Variants in NEGR1 observed in about 807,000 individuals in gnomAD.
NEGR1 encodes neuronal growth regulator 1, also known as IgLON family member 4.
A neutral mutation model predicts 40.9 loss-of-function variants in NEGR1; 10 were observed. The ratio of observed to expected loss-of-function variants is 0.24; its 90% CI spans 0.15 to 0.42. The LOEUF (loss-of-function observed/expected upper bound fraction) is 0.42, where lower values mean the gene tolerates loss of function less well. Ranked by LOEUF, NEGR1 falls within the 10% of genes least tolerant of loss-of-function variation. The pLI is 1.00. For missense variants in NEGR1, 352 were observed against 438.9 expected (o/e 0.80, Z 1.77); for synonymous variants, 185 against 166.8 (o/e 1.11, Z -0.84).
intron 2 of NEGR1, among the ~76,000 whole-genome samples, chr1:71,812,473 A>C (rs966063993): frequency 5.9e-5 from 9 of 152,158 alleles, no homozygotes; most frequent in Non-Finnish European, 1.2e-4. Flanking sequence ...AAATTGCCAC[A>C]CTGTCTTCCA....
intron 6 of NEGR1, among the ~76,000 whole-genome samples, chr1:71,580,100 A>G (rs1206690727): frequency 6.6e-6 from 1 of 152,124 alleles, no homozygotes; most frequent in Non-Finnish European, 1.5e-5. Context: ...AATGTGGCAC[A>G]TATACACCAT....
chr1:71,480,183 C>T (rs1449113601), intron 6 of NEGR1, among the ~76,000 whole-genome samples: 1 of 151,868 alleles, frequency 6.6e-6, no homozygotes, highest in Non-Finnish European at 1.5e-5. Flanking sequence ...TACTATGTGC[C>T]AGACATTGTT....
chr1:72,131,262 C>T (rs1382404989), intron 1 of NEGR1, among the ~76,000 whole-genome samples: 1 of 152,062 alleles, frequency 6.6e-6, no homozygotes, highest in African/African-American at 2.4e-5. Context: ...GCATTACATA[C>T]TTATTAAGTT....
At chr1:71,696,820 C>T (rs573596810) in intron 4 of NEGR1, among the ~76,000 whole-genome samples, 72 of 151,900 alleles carry the variant, frequency 4.7e-4, no homozygotes, top group Non-Finnish European at 6.3e-4. Context: ...AGGAGTTTTC[C>T]ATTTTTAATG....
At chr1:71,775,409 G>A (rs1051061237) in intron 3 of NEGR1, among the ~76,000 whole-genome samples, 3 of 149,802 alleles carry the variant, frequency 2.0e-5, no homozygotes, top group Admixed American at 6.7e-5. Context: ...GCACTGGTGC[G>A]ATCTCGGCTC....
intron 4 of NEGR1, among the ~76,000 whole-genome samples, chr1:71,643,989 C>T (rs1304487268): frequency 6.6e-6 from 1 of 151,880 alleles, no homozygotes; most frequent in Non-Finnish European, 1.5e-5. Context: ...AGAAAGAAAC[C>T]CCAAGTAATG....
chr1:72,189,121 A>G (rs1305581146), intron 1 of NEGR1, among the ~76,000 whole-genome samples: 2 of 151,574 alleles, frequency 1.3e-5, no homozygotes, highest in East Asian at 1.9e-4. Flanking sequence ...CAGTCTCCCT[A>G]TTCAAATGAT....
intron 2 of NEGR1, among the ~76,000 whole-genome samples, chr1:71,880,111 C>T (rs868867078): frequency 4.0e-5 from 6 of 151,890 alleles, no homozygotes; most frequent in African/African-American, 1.5e-4. Flanking sequence ...TAACTTTAAA[C>T]TTTCAGATTT....
chr1:71,928,145 C>CACATATGTATATAT (rs1645802332), intron 2 of NEGR1, among the ~76,000 whole-genome samples: 1 of 63,578 alleles, frequency 1.6e-5, no homozygotes, highest in Admixed American at 1.6e-4. Flanking sequence ...TGTATATATA[C>CACATATGTATATAT]ACACATATGT....
At chr1:72,216,406 T>TATATATATATAC (rs1557582844) in intron 1 of NEGR1, among the ~76,000 whole-genome samples, 4 of 146,346 alleles carry the variant, frequency 2.7e-5, no homozygotes, top group African/African-American at 1.0e-4. Context: ...TATATACATA[T>TATATATATATAC]ATATATATAT....
At chr1:71,983,029 C>A (rs561683905) in intron 1 of NEGR1, among the ~76,000 whole-genome samples, 1 of 152,046 alleles carries the variant, frequency 6.6e-6, no homozygotes, top group Non-Finnish European at 1.5e-5. Flanking sequence ...AACTGCTGCA[C>A]ATGCTACCTG....
chr1:72,092,152 A>G (rs1648524230), intron 1 of NEGR1, among the ~76,000 whole-genome samples: 1 of 152,144 alleles, frequency 6.6e-6, no homozygotes, highest in Non-Finnish European at 1.5e-5. Context: ...GCATAATAAA[A>G]TTGTGTTCCA....
At chr1:72,143,914 A>ATATATATAATATATATATATATATAT (rs1491498187) in intron 1 of NEGR1, among the ~76,000 whole-genome samples, 8 of 130,604 alleles carry the variant, frequency 6.1e-5, no homozygotes, top group African/African-American at 2.4e-4. Context: ...TGATATATAT[A>ATATATATAATATATATATATATATAT]ATATATATAT....
chr1:71,417,519 T>C (rs17091192), intron 6 of NEGR1, among the ~76,000 whole-genome samples: 2,039 of 152,262 alleles, frequency 0.013, 43 homozygotes, highest in African/African-American at 0.046. Context: ...ACCATAAATA[T>C]AGAGTTATAC....
intron 1 of NEGR1, among the ~76,000 whole-genome samples, chr1:72,088,066 C>G (rs1331128519): frequency 6.6e-6 from 1 of 152,156 alleles, no homozygotes; most frequent in Non-Finnish European, 1.5e-5. Flanking sequence ...AATCTTTTCA[C>G]TAACTTTCTA....
chr1:71,712,378 G>A (rs1419043454), intron 3 of NEGR1, among the ~76,000 whole-genome samples: 1 of 152,128 alleles, frequency 6.6e-6, no homozygotes, highest in Non-Finnish European at 1.5e-5. Flanking sequence ...TTGGTTTTTA[G>A]TTAATCATGT....
intron 2 of NEGR1, among the ~76,000 whole-genome samples, chr1:71,908,930 T>C (rs574156338): frequency 1.9e-4 from 29 of 152,310 alleles, no homozygotes; most frequent in Admixed American, 1.4e-3. Context: ...TGACTTATTT[T>C]CCCTTATTTC....
chr1:71,659,148 T>C (rs1395565338), intron 4 of NEGR1, among the ~76,000 whole-genome samples: 1 of 152,184 alleles, frequency 6.6e-6, no homozygotes, highest in East Asian at 1.9e-4. Flanking sequence ...TGAGACTGGA[T>C]TACAAACTGC....
intron 1 of NEGR1, among the ~76,000 whole-genome samples, chr1:72,148,772 G>A (rs1227687550): frequency 6.6e-6 from 1 of 152,126 alleles, no homozygotes; most frequent in Non-Finnish European, 1.5e-5. Context: ...AATCACCTTT[G>A]CTCCGGTTCC....
Sources: gnomAD v4.1 joint callset for allele counts (sites outside exome capture counted in the v4.1 genomes callset) on GRCh38, gnomAD v4.1.1 for gene constraint, MANE v1.5 for transcripts, NCBI Gene and HGNC (gene_info 2026-07-23, HGNC 2026-07-21) for gene names.